Variants in VPS13D observed in about 807,000 individuals in gnomAD.
VPS13D encodes the protein intermembrane lipid transfer protein VPS13D.
Under a neutral mutation model 461.9 loss-of-function variants are expected in VPS13D, and 187 were observed. The observed-to-expected ratio is 0.40, with a 90% CI of 0.36 to 0.46. The LOEUF is 0.46. Ranked by LOEUF, VPS13D falls within the 20% of genes least tolerant of loss-of-function variation. The probability of loss-of-function intolerance (pLI) is 0.60; values close to 1 mark genes in which losing one functional copy is unlikely to be tolerated. For missense variants in VPS13D, 4,711 were observed against 5,364.9 expected, an observed-to-expected ratio of 0.88 and a Z score of 3.81; for synonymous variants, 1,951 against 1,986.3, an observed-to-expected ratio of 0.98 and a Z score of 0.47.
At chr1:12,315,435 A>G (rs1287071481) in intron 30 of VPS13D, among the ~76,000 whole-genome samples, 2 of 152,192 alleles carry the variant, frequency 1.3e-5, no homozygotes, top group African/African-American at 4.8e-5. Context: ...ATGAACTTTA[A>G]AAGTTCAGGA....
chr1:12,388,121 TA>T (rs1279891930), intron 60 of VPS13D, among the ~76,000 whole-genome samples: 1 of 152,186 alleles, frequency 6.6e-6, no homozygotes, highest in Non-Finnish European at 1.5e-5. Flanking sequence ...AACAATAGCA[TA>T]AAGGCTGAAG....
intron 5 of VPS13D, among the ~76,000 whole-genome samples, chr1:12,244,938 C>A (rs920285990): frequency 1.3e-5 from 2 of 152,172 alleles, no homozygotes; most frequent in African/African-American, 4.8e-5. Context: ...GCCTAAGAAT[C>A]CAGGTTACTT....
intron 57 of VPS13D, 35 bp from the exon 58 acceptor site, chr1:12,382,941 C>T: frequency 6.3e-7 from 1 of 1,584,826 alleles, no homozygotes; most frequent in Non-Finnish European, 8.6e-7. Context: ...GTGCCTCTGT[C>T]TTTTCTCACA....
intron 1 of VPS13D, among the ~76,000 whole-genome samples, chr1:12,231,515 C>T (rs1639972545): frequency 6.6e-6 from 1 of 152,064 alleles, no homozygotes; most frequent in Admixed American, 6.6e-5. Flanking sequence ...CAGTTGTTTC[C>T]CTTGATTTGG....
At chr1:12,459,167 G>A (rs1645369940) in intron 66 of VPS13D, among the ~76,000 whole-genome samples, 1 of 152,084 alleles carries the variant, frequency 6.6e-6, no homozygotes, top group African/African-American at 2.4e-5. Context: ...AATATTTGGG[G>A]GGAAAAAAGA....
chr1:12,316,361 A>G (rs559037567), intron 30 of VPS13D, among the ~76,000 whole-genome samples: 2 of 152,336 alleles, frequency 1.3e-5, no homozygotes, highest in African/African-American at 4.8e-5. Flanking sequence ...TCGTGTCTGA[A>G]GAAGAATTAC....
intron 3 of VPS13D, among the ~76,000 whole-genome samples, chr1:12,243,908 G>A (rs1292907043): frequency 1.3e-5 from 2 of 152,146 alleles, no homozygotes; most frequent in East Asian, 3.9e-4. Flanking sequence ...GTGTCCATGG[G>A]CTTGTGCGGG....
intron 67 of VPS13D, among the ~76,000 whole-genome samples, chr1:12,461,206 C>G (rs1645408390): frequency 6.6e-6 from 1 of 152,190 alleles, no homozygotes; most frequent in Non-Finnish European, 1.5e-5. Context: ...TTTGCTGCTG[C>G]TTGGATAATA....
chr1:12,324,499 G>T (rs143224939), intron 35 of VPS13D, among the ~76,000 whole-genome samples: 134 of 152,016 alleles, frequency 8.8e-4, no homozygotes, highest in African/African-American at 3.1e-3. Flanking sequence ...GCGAGACTCT[G>T]TCTCAAAAAA....
intron 67 of VPS13D, among the ~76,000 whole-genome samples, chr1:12,479,185 G>A (rs1309557428): frequency 6.6e-6 from 1 of 152,188 alleles, no homozygotes; most frequent in African/African-American, 2.4e-5. Context: ...TTGAGGAAAT[G>A]GGCAGACAAA....
chr1:12,257,980 G>C lies in VPS13D; in HGVS notation c.987G>C (p.Glu329Asp). ...WYFALNANLY[E>D]IREQRKRCTW... ...TTGCTTTGAATGCTAACTTGTATGA[G>C]ATCAGAGAGCAGAGGAAACGTTGCA... The change falls in exon 10 of 70, where the codon GAG becomes GAC. Residue 329 changes from glutamate (E) to aspartate (D), a missense_variant. By Grantham distance (45) the Glu-to-Asp change is conservative (BLOSUM62 2). This residue lies in a region of VPS13D where 4,411 missense variants were observed against 4,937.8 expected (regional missense o/e 0.89). Transcript: ENST00000620676. 4 of 1,614,170 alleles carry C rather than the reference G, an allele frequency of 2.5e-6. No homozygotes were observed. Among genetic ancestry groups the C allele is most frequent in the Non-Finnish European group, 3.4e-6 (4 of 1,180,040 alleles).
Position 12,308,652 on chromosome 1 carries a change from T to G in VPS13D, c.6650+11T>G. ...AAGGAATTTGGACAAGTGAGTGTTT[T>G]TTTTTTTTTTTGAGATGGAGTCTCG... On this transcript the variant is annotated intron_variant, in intron 27 of 69. Coordinates refer to ENST00000620676, the MANE Select transcript of VPS13D (RefSeq NM_015378.4). 1.2e-6 allele frequency: 2 copies of G among 1,605,518 alleles called. No homozygotes were observed. Among genetic ancestry groups the G allele is most frequent in the South Asian group, 1.1e-5 (1 of 90,624 alleles).
intron 7 of VPS13D, among the ~76,000 whole-genome samples, chr1:12,254,164 T>C (rs1640833308): frequency 6.6e-6 from 1 of 152,238 alleles, no homozygotes. Context: ...ACCGTTTGCA[T>C]GTTCACGTAA....
intron 67 of VPS13D, among the ~76,000 whole-genome samples, chr1:12,476,763 G>C (rs1417745134): frequency 6.6e-6 from 1 of 152,184 alleles, no homozygotes; most frequent in Non-Finnish European, 1.5e-5. Context: ...TATAACAAGA[G>C]ATGGTTTTCT....
In VPS13D at chr1:12,508,992, G is replaced by A. The variant is rs201425729; in HGVS notation, c.13135G>A (p.Glu4379Lys). The change falls in exon 70 of 70, where the codon GAA (glutamate) becomes AAA (lysine). Residue 4379 changes from glutamate to lysine, a missense_variant. Glu to Lys is a moderately conservative substitution (Grantham distance 56). Transcript: ENST00000620676. ...YEQQLMLRLS[E>K]NREQLELDS ...ACAGCAGCTTATGTTAAGACTCAGC[G>A]AAAACCGAGAGCAGCTGGAGCTGGA... 2.0e-5 allele frequency: 32 copies of A among 1,614,058 alleles called. No individual in the cohort carries two copies. Among genetic ancestry groups the A allele is most frequent in the Middle Eastern group, 1.6e-4 (1 of 6,084 alleles).
chr1:12,390,073 T>C (rs1410414047), intron 60 of VPS13D, among the ~76,000 whole-genome samples: 1 of 152,174 alleles, frequency 6.6e-6, no homozygotes, highest in African/African-American at 2.4e-5. Context: ...ATGGAATCAT[T>C]GTTTTGTCTC....
At chr1:12,392,432 C>G (rs1404417514) in intron 60 of VPS13D, among the ~76,000 whole-genome samples, 1 of 150,372 alleles carries the variant, frequency 6.7e-6, no homozygotes, top group African/African-American at 2.5e-5. Flanking sequence ...TGAGCCGAGA[C>G]CACTCCTTTA....
chr1:12,260,304 C>T (rs941129960), intron 10 of VPS13D, among the ~76,000 whole-genome samples: 1 of 152,134 alleles, frequency 6.6e-6, no homozygotes, highest in Non-Finnish European at 1.5e-5. Flanking sequence ...GGATTACAGG[C>T]GTGAGCCACC....
chr1:12,275,604 T>C (rs1641587538), intron 18 of VPS13D, among the ~76,000 whole-genome samples: 1 of 152,164 alleles, frequency 6.6e-6, no homozygotes, highest in Admixed American at 6.5e-5. Context: ...TCCAGCTTTT[T>C]TCGTGTCCAT....
Sources: gnomAD v4.1 joint callset for allele counts (sites outside exome capture counted in the v4.1 genomes callset) on GRCh38, gnomAD v4.1.1 for gene constraint, gnomAD v4.1.1 regional missense constraint, MANE v1.5 for transcripts, NCBI Gene and HGNC (gene_info 2026-07-23, HGNC 2026-07-21) for gene names.